The following ALDH1L1 variants were observed in gnomAD, a reference collection of about 807,000 sequenced individuals.
ALDH1L1 encodes aldehyde dehydrogenase 1 family member L1.
ALDH1L1 carries 68 observed loss-of-function variants against 101.1 expected under a neutral mutation model. The ratio of observed to expected loss-of-function variants is 0.67; its 90% confidence interval spans 0.55 to 0.82. The LOEUF (loss-of-function observed/expected upper bound fraction) is 0.82. ALDH1L1 is among the 40% of genes least tolerant of loss of function. The probability of loss-of-function intolerance (pLI) is 0.00; values close to 1 mark genes in which losing one functional copy is unlikely to be tolerated. For synonymous variants in ALDH1L1, 486 were observed against 470.8 expected (o/e 1.03, Z -0.42); for missense variants, 1,087 against 1,172.7 (o/e 0.93, Z 1.07).
upstream of ALDH1L1, among the ~76,000 whole-genome samples, chr3:126,185,193 C>G (rs1269950890): frequency 2.0e-5 from 3 of 152,212 alleles, no homozygotes; most frequent in Non-Finnish European, 4.4e-5. Context: ...GAGCTTACAG[C>G]CCTGCTCCTG....
chr3:126,180,829 T>G (rs2081463759), upstream of ALDH1L1: 1 of 1,541,650 alleles, frequency 6.5e-7, no homozygotes, highest in Non-Finnish European at 8.7e-7. Context: ...CCCAGGGCTT[T>G]GAAAAGTCCC....
Position 126,153,374 on chromosome 3 carries a change from G to T in ALDH1L1, c.858+70C>A, listed in dbSNP as rs1251218477. The T allele has an allele frequency of 3.7e-6, 6 of 1,602,556 alleles. No homozygotes were observed. The South Asian group carries it at 6.6e-5, about 18-fold the overall frequency. On this transcript the variant is annotated intron_variant, in intron 7 of 22. Coordinates refer to ENST00000393434, the MANE Select transcript of ALDH1L1 (RefSeq NM_012190.4). ...CCAGAGGAGCCTAGGGTCTTCCTGTGAGGCCTGAGTCCAAGGACAGGAGCA... is the reference window on the plus strand; with the variant it reads ...CCAGAGGAGCCTAGGGTCTTCCTGTTAGGCCTGAGTCCAAGGACAGGAGCA...
intron 1 of ALDH1L1, among the ~76,000 whole-genome samples, chr3:126,163,767 GT>G (rs1166044717): frequency 1.3e-5 from 2 of 152,174 alleles, no homozygotes; most frequent in Non-Finnish European, 2.9e-5. Context: ...TGACCATGAT[GT>G]ATAACCTTTC....
At chr3:126,169,171 C>G (rs1258691522) in intron 1 of ALDH1L1, among the ~76,000 whole-genome samples, 1 of 152,098 alleles carries the variant, frequency 6.6e-6, no homozygotes, top group East Asian at 1.9e-4. Context: ...AAGTTTTTAC[C>G]TTTTCCTTAG....
chr3:126,160,814 C>T (rs781575305), intron 2 of ALDH1L1, 39 bp downstream of exon 2: 4 of 1,604,614 alleles, frequency 2.5e-6, no homozygotes, highest in South Asian at 2.2e-5. Flanking sequence ...ATGGGCGGGC[C>T]GCCCTCCATC....
rs770451954 is a variant in ALDH1L1 at position 126,103,785 on chromosome 3, C to T, written c.*6G>A. On this transcript the variant is annotated 3_prime_UTR_variant, in exon 23 of 23. Coordinates refer to ENST00000393434, the MANE Select transcript of ALDH1L1 (RefSeq NM_012190.4). ...GCAGGGACTTTCTTCTCACAAAGAC[C>T]TTTCTTCAGTATTCGAAGGTCACTG... 6.2e-6 allele frequency: 10 copies of T among 1,613,200 alleles called. No individual in the cohort carries two copies. The highest frequency in any genetic ancestry group is 8.5e-6 in the Non-Finnish European group (10 of 1,179,684).
At chr3:126,116,638 C>A (rs2079977843) in intron 17 of ALDH1L1, among the ~76,000 whole-genome samples, 1 of 152,172 alleles carries the variant, frequency 6.6e-6, no homozygotes, top group Non-Finnish European at 1.5e-5. Context: ...CTTGCAGTTA[C>A]CCCATTCCCC....
At chr3:126,119,295 A>G (rs932982395) in intron 16 of ALDH1L1, among the ~76,000 whole-genome samples, 1 of 152,198 alleles carries the variant, frequency 6.6e-6, no homozygotes, top group African/African-American at 2.4e-5. Flanking sequence ...CCTGCTTGGC[A>G]TCTGCACTTG....
chr3:126,167,423 A>C (rs752943479), intron 1 of ALDH1L1, among the ~76,000 whole-genome samples: 15 of 152,210 alleles, frequency 9.9e-5, no homozygotes, highest in Non-Finnish European at 4.4e-5. Context: ...AGTTGTCTTC[A>C]TTGTACAAAC....
intron 1 of ALDH1L1, among the ~76,000 whole-genome samples, chr3:126,194,341 C>T (rs1257246266): frequency 6.6e-6 from 1 of 152,156 alleles, no homozygotes; most frequent in Non-Finnish European, 1.5e-5. Context: ...ATCCTGTTTA[C>T]CTCTCTTTTG....
intron 22 of ALDH1L1, chr3:126,104,926 C>T (rs1165299121): frequency 6.5e-6 from 1 of 153,702 alleles, no homozygotes; most frequent in Admixed American, 6.5e-5. Context: ...TGCCAGCCAC[C>T]CTTGCCAAGC....
chr3:126,114,623 C>T lies in ALDH1L1; in HGVS notation c.2016G>A (p.Leu672=). 1.3e-6 allele frequency: 2 copies of T among 1,519,606 alleles called. No individual in the cohort carries two copies. The highest frequency in any genetic ancestry group is 1.3e-5 in the South Asian group (1 of 75,660). The allele number at this position is 1,519,606 out of a possible 1,614,324, so 94.1% of individuals were successfully genotyped here. ...TGAGGGGTGACTTCCCGCCCAGTTC[C>T]AGGGACACCTTCTTCACGTTACTTA... is the stretch of plus-strand genomic sequence containing the variant. ...CAISNVKKVS[L]ELGGKSPLII... The change falls in exon 18 of 23, where the codon CTG becomes CTA. Residue 672 remains leucine, a synonymous_variant. Coordinates refer to ENST00000393434, the MANE Select transcript of ALDH1L1 (RefSeq NM_012190.4).
At chr3:126,172,484 A>T (rs537593825) in intron 1 of ALDH1L1, among the ~76,000 whole-genome samples, 4,205 of 152,264 alleles carry the variant, frequency 0.028, 173 homozygotes, top group African/African-American at 0.094. Context: ...TGAGGAAATA[A>T]TCAATGAGAT....
upstream of ALDH1L1, among the ~76,000 whole-genome samples, chr3:126,181,783 T>G (rs1443468734): frequency 3.3e-5 from 5 of 152,216 alleles, no homozygotes; most frequent in Non-Finnish European, 1.5e-5. Flanking sequence ...GCTAAATAAA[T>G]GTTTGTTGAA....
chr3:126,161,960 G>A (rs2081065442), intron 1 of ALDH1L1, among the ~76,000 whole-genome samples: 1 of 150,492 alleles, frequency 6.6e-6, no homozygotes, highest in African/African-American at 2.5e-5. Flanking sequence ...CCCTTTATAT[G>A]TATTCATTTT....
chr3:126,124,110 GAC>G (rs3841921), intron 16 of ALDH1L1, among the ~76,000 whole-genome samples: 5,967 of 148,628 alleles, frequency 0.04, 290 homozygotes, highest in African/African-American at 0.12. Flanking sequence ...AGGGCGCGCG[GAC>G]ACACACACAC....
intron 1 of ALDH1L1, among the ~76,000 whole-genome samples, chr3:126,189,872 T>TGGA (rs2081542366): frequency 2.0e-5 from 3 of 152,216 alleles, no homozygotes; most frequent in Non-Finnish European, 4.4e-5. Context: ...GGTAGTGCCT[T>TGGA]TGGCCAAGGC....
At chr3:126,131,264 A>T (rs2080297004) in intron 13 of ALDH1L1, 120 bp downstream of exon 13, 1 of 1,289,310 alleles carries the variant, frequency 7.8e-7, no homozygotes, top group African/African-American at 1.5e-5. Context: ...GTGTCATTCC[A>T]AGCCACCAGT....
At chr3:126,165,452 G>A (rs1243277745) in intron 1 of ALDH1L1, among the ~76,000 whole-genome samples, 1 of 152,130 alleles carries the variant, frequency 6.6e-6, no homozygotes, top group Non-Finnish European at 1.5e-5. Context: ...GAGTCAGGTA[G>A]GATCCCCTCC....
Sources: gnomAD v4.1 joint callset for allele counts (sites outside exome capture counted in the v4.1 genomes callset) on GRCh38, gnomAD v4.1.1 for gene constraint, MANE v1.5 for transcripts, NCBI Gene and HGNC (gene_info 2026-07-23, HGNC 2026-07-21) for gene names.